Variants in DZIP3 observed in about 807,000 individuals in gnomAD.
DZIP3 encodes the protein DAZ interacting zinc finger protein 3.
Under a neutral mutation model 162.0 loss-of-function variants are expected in DZIP3, and 118 were observed. That is an observed-to-expected ratio of 0.73 (90% confidence interval 0.63 to 0.85). The LOEUF (loss-of-function observed/expected upper bound fraction) is 0.85, where lower values mean the gene tolerates loss of function less well. Among genes scored for constraint, DZIP3 ranks in the 40% least tolerant of loss-of-function variants. The pLI is 0.00. For missense variants in DZIP3, 1,331 were observed against 1,407.0 expected (o/e 0.95, Z 0.86); for synonymous variants, 438 against 458.6 (o/e 0.96, Z 0.57).
intron 14 of DZIP3, among the ~76,000 whole-genome samples, chr3:108,645,761 A>C (rs1315846110): frequency 6.6e-6 from 1 of 152,198 alleles, no homozygotes; most frequent in Non-Finnish European, 1.5e-5. Flanking sequence ...CCTGGTATTT[A>C]CTAAGGCTCT....
Position 108,642,471 on chromosome 3 carries a change from TACTG to T in DZIP3, c.1100_1103del (p.Thr367IlefsTer2). On this transcript the variant is annotated frameshift_variant, in exon 13 of 33. Transcript: ENST00000361582. LOFTEE classifies it high-confidence loss of function. ...AGTTGATATCTCTGAAAATAACTGA[TACTG>T]ATATAAGACCGAAGATCAGTTTAAA... is the stretch of plus-strand genomic sequence containing the variant. 1 of 1,488,386 alleles carries T rather than the reference TACTG, an allele frequency of 6.7e-7. No individual in the cohort carries two copies. The allele number at this position is 1,488,386 out of a possible 1,614,324, so 92.2% of individuals were successfully genotyped here.
chr3:108,615,327 C>T (rs1002149645), intron 4 of DZIP3, among the ~76,000 whole-genome samples: 26 of 152,270 alleles, frequency 1.7e-4, no homozygotes, highest in Middle Eastern at 3.4e-3. Context: ...GGTGGAACTT[C>T]AGTATTATGT....
chr3:108,642,906 A>C (rs1222872824), intron 13 of DZIP3, among the ~76,000 whole-genome samples: 1 of 152,174 alleles, frequency 6.6e-6, no homozygotes, highest in Non-Finnish European at 1.5e-5. Flanking sequence ...TTTGAGGCTA[A>C]GTAATCTAAA....
intron 5 of DZIP3, among the ~76,000 whole-genome samples, chr3:108,620,262 A>C (rs546183489): frequency 6.6e-6 from 1 of 152,334 alleles, no homozygotes; most frequent in South Asian, 2.1e-4. Context: ...GGCGTTGGTC[A>C]TCTAGGTACC....
chr3:108,635,046 G>A lies in DZIP3; in HGVS notation c.918+74G>A, dbSNP rs184499601. On this transcript the variant is annotated intron_variant, in intron 10 of 32. Transcript: ENST00000361582. ...TTCCTCTTTTGTTCTCTTCCCCATC[G>A]TTTCTTCCTGTTCATAACTTCCCTC... is the stretch of plus-strand genomic sequence containing the variant. 146 of 851,346 alleles carry A rather than the reference G, an allele frequency of 1.7e-4. No individual in the cohort carries two copies. In the Admixed American group the frequency reaches 1.7e-3, roughly 10 times the overall value. The allele number at this position is 851,346 out of a possible 1,614,324, so 52.7% of individuals were successfully genotyped here.
At chr3:108,605,814 C>T (rs1246585957) in intron 2 of DZIP3, among the ~76,000 whole-genome samples, 1 of 152,186 alleles carries the variant, frequency 6.6e-6, no homozygotes, top group Non-Finnish European at 1.5e-5. Context: ...CAAAAACCAG[C>T]TGCATTTGTT....
chr3:108,612,766 T>C (rs1197992088), intron 4 of DZIP3, among the ~76,000 whole-genome samples: 1 of 152,168 alleles, frequency 6.6e-6, no homozygotes, highest in Non-Finnish European at 1.5e-5. Flanking sequence ...TTTAAAATTA[T>C]TGTATTCTTT....
At chr3:108,661,833 T>A (rs1342237283) in intron 19 of DZIP3, 44 bp from the exon 20 acceptor site, 4 of 1,527,770 alleles carry the variant, frequency 2.6e-6, no homozygotes, top group Non-Finnish European at 2.7e-6. Flanking sequence ...ACTAAAATTT[T>A]TTTTTGAGGA....
chr3:108,674,432 T>C (rs893075390), intron 24 of DZIP3, among the ~76,000 whole-genome samples: 1 of 151,918 alleles, frequency 6.6e-6, no homozygotes, highest in Non-Finnish European at 1.5e-5. Flanking sequence ...ATGCTTGTAC[T>C]TGGCTGCTTC....
intron 17 of DZIP3, among the ~76,000 whole-genome samples, chr3:108,650,413 AG>A (rs1942813994): frequency 6.6e-6 from 1 of 151,782 alleles, no homozygotes; most frequent in East Asian, 1.9e-4. Context: ...CAGACAAGAA[AG>A]CTAAATGAAT....
Position 108,629,013 on chromosome 3 carries a change from C to G in DZIP3, c.582-49C>G, listed in dbSNP as rs769786480. The G allele has an allele frequency of 7.9e-6, 9 of 1,145,206 alleles. No homozygotes were observed. In the South Asian group the frequency reaches 1.4e-4, roughly 18 times the overall value. 70.9% of individuals were successfully genotyped at this position (1,145,206 alleles called of 1,614,324 possible). On this transcript the variant is annotated intron_variant, in intron 7 of 32. Coordinates refer to ENST00000361582, the MANE Select transcript of DZIP3 (RefSeq NM_014648.4). ...TTTGTTGTCTCATTGGTAAACCATG[C>G]ATCTACACAGTCCCGTTCAAACTAA...
chr3:108,637,884 C>A (rs983580350), intron 12 of DZIP3, among the ~76,000 whole-genome samples: 1 of 152,160 alleles, frequency 6.6e-6, no homozygotes, highest in Non-Finnish European at 1.5e-5. Context: ...GCTTGTCTTA[C>A]AATTAGAATC....
chr3:108,674,538 C>G (rs1366879266), intron 24 of DZIP3, among the ~76,000 whole-genome samples: 2 of 151,868 alleles, frequency 1.3e-5, no homozygotes, highest in Non-Finnish European at 2.9e-5. Context: ...TCAAAAGTCT[C>G]AGAGACATAC....
rs74785177 is a variant in DZIP3, at chr3:108,677,217, A to G, written c.2782-280A>G. On this transcript the variant is annotated intron_variant, in intron 25 of 32. Transcript: ENST00000361582. ...AGTGGTTCCTATTTTAGAGCTGAAA[A>G]TTTTGGAAGCACTGAGGAATTATCA... Among the ~76,000 whole-genome samples the G allele has an allele frequency of 8.4e-3, 1,280 of 151,702 alleles. 12 individuals carry two copies. Among genetic ancestry groups the G allele is most frequent in the African/African-American group, 0.029 (1,209 of 41,430 alleles).
Position 108,631,055 on chromosome 3 carries a change from A to ACACACACTCTCTCT in DZIP3, c.696+1880_696+1881insACACACTCTCTCTC. 2.0e-3 allele frequency among the ~76,000 whole-genome samples: 36 copies of ACACACACTCTCTCT among 18,004 alleles called. 2 individuals are homozygous for ACACACACTCTCTCT. Among genetic ancestry groups the ACACACACTCTCTCT allele is most frequent in the Admixed American group, 3.4e-3 (4 of 1,180 alleles). The allele number at this position is 18,004 out of a possible 152,430, so 11.8% of individuals were successfully genotyped here. A position where few individuals can be genotyped will look rare whatever the true frequency, so the allele number is the denominator to read the frequency against. The stretch of plus-strand genomic sequence containing the variant: ...CACACACACACACACACACACACAC[A>ACACACACTCTCTCT]CTCTCTCTCTCTCTCTCTCTCTCTC... On this transcript the variant is annotated intron_variant, in intron 8 of 32. Coordinates refer to ENST00000361582, the MANE Select transcript of DZIP3 (RefSeq NM_014648.4).
chr3:108,623,290 A>G (rs947606999), intron 5 of DZIP3, among the ~76,000 whole-genome samples: 2 of 152,056 alleles, frequency 1.3e-5, no homozygotes, highest in African/African-American at 4.8e-5. Context: ...TCACATCTGA[A>G]GCCAGCATAG....
rs1209779983 is a variant in DZIP3, at chr3:108,658,559, C to T, written c.2200-3318C>T. Among the ~76,000 whole-genome samples, 3 of 151,230 alleles carry T rather than the reference C, an allele frequency of 2.0e-5. No individual in the cohort carries two copies. The Admixed American group carries it at 2.0e-4, about 10-fold the overall frequency. Reference sequence around the variant, plus strand: ...AGCAGGAAAGATCTAAAATTGACACCCTAACATCACAATTAAAAGAACTAG... The same window carrying T: ...AGCAGGAAAGATCTAAAATTGACACTCTAACATCACAATTAAAAGAACTAG... On this transcript the variant is annotated intron_variant, in intron 19 of 32. Transcript: ENST00000361582.
Position 108,686,485 on chromosome 3 carries a change from AC to A in DZIP3, c.3051del (p.Asp1017GlufsTer16). ...IAWALPAPVG[D>X]AVPPSAGLRS... ...TGGGCTCTGCCAGCGCCTGTGGGAG[AC>A]GCTGTGCCTCCCAGTGCAGGTCTGC... On this transcript the variant is annotated frameshift_variant, in exon 28 of 33. Transcript: ENST00000361582. LOFTEE classifies it high-confidence loss of function. 1.2e-6 allele frequency: 2 copies of A among 1,611,368 alleles called. No homozygotes were observed. Among genetic ancestry groups the A allele is most frequent in the Non-Finnish European group, 1.7e-6 (2 of 1,179,242 alleles).
In DZIP3 at chr3:108,647,975, G is replaced by A. The variant is rs1942703584; in HGVS notation, c.1825G>A (p.Glu609Lys). 6.3e-7 allele frequency: 1 copy of A among 1,582,000 alleles called. No individual in the cohort carries two copies. Among genetic ancestry groups the A allele is most frequent in the Non-Finnish European group, 8.6e-7 (1 of 1,169,004 alleles). Residue 609 changes from glutamate to lysine, a missense_variant, in exon 16 of 33, where the codon GAA becomes AAA. Glu to Lys is a moderately conservative substitution (Grantham distance 56, BLOSUM62 1). Transcript: ENST00000361582. ...IEIEELQNEEEELSPPLMEYN... is the reference protein window; with the variant it reads ...IEIEELQNEEKELSPPLMEYN... ...AATAGAAGAGTTACAGAATGAGGAA[G>A]AAGAACTAAGTCCACCTCTCATGGA...
Sources: allele counts gnomAD v4.1 joint callset (sites outside exome capture counted in the v4.1 genomes callset), GRCh38; gene constraint gnomAD v4.1.1; transcripts MANE v1.5; gene names NCBI Gene and HGNC (gene_info 2026-07-23, HGNC 2026-07-21).